The following TAF3 variants were observed in gnomAD, a reference collection of about 807,000 sequenced individuals.
TAF3 encodes TATA-box binding protein associated factor 3, also known as transcription initiation factor TFIID subunit 3.
TAF3 carries 7 observed loss-of-function variants against 80.6 expected under a neutral mutation model. The ratio of observed to expected loss-of-function variants is 0.09; its 90% CI spans 0.05 to 0.16. The LOEUF (loss-of-function observed/expected upper bound fraction) is 0.16, where lower values mean the gene tolerates loss of function less well. TAF3 is among the 10% of genes least tolerant of loss of function. The pLI is 1.00. For missense variants in TAF3, 921 were observed against 1,140.2 expected (o/e 0.81, Z 2.77); for synonymous variants, 444 against 446.1 (o/e 1.00, Z 0.06).
At chr10:7,864,975 TG>T (rs1244320573) in intron 2 of TAF3, among the ~76,000 whole-genome samples, 2 of 152,102 alleles carry the variant, frequency 1.3e-5, no homozygotes, top group African/African-American at 4.8e-5. Flanking sequence ...GGAGAATGAA[TG>T]TCAAAGGATC....
rs377104667 is a variant in TAF3, at chr10:7,964,495, C to G, written c.985C>G (p.His329Asp). The change falls in exon 3 of 7, where the codon CAC becomes GAC. Residue 329 changes from histidine (H) to aspartate (D), a missense_variant. Physicochemically the swap from His to Asp is moderately conservative, Grantham distance 81 (BLOSUM62 -1). Around this residue, in one of 6 missense-constraint regions of TAF3, gnomAD observed 743 missense variants for 821.0 expected, o/e 0.90. Transcript: ENST00000344293. The surrounding 1 kb of genome is among the most constrained non-coding windows in gnomAD (Gnocchi z 4.1). ...KSPKSPKVTT[H>D]IPQTPVRPET... ...TCCCAAGAGCCCCAAGGTCACGACT[C>G]ACATTCCCCAAACACCTGTGAGACC... 4.3e-6 allele frequency: 7 copies of G among 1,613,246 alleles called. No homozygotes were observed. The Admixed American group carries it at 1.2e-4, about 27-fold the overall frequency.
chr10:7,948,475 T>C (rs1838048541), intron 2 of TAF3, among the ~76,000 whole-genome samples: 1 of 152,220 alleles, frequency 6.6e-6, no homozygotes, highest in African/African-American at 2.4e-5. Flanking sequence ...ACTGTTCTGC[T>C]GCTCTCCCTG....
At chr10:7,895,366 T>C (rs1837495258) in intron 2 of TAF3, among the ~76,000 whole-genome samples, 1 of 152,230 alleles carries the variant, frequency 6.6e-6, no homozygotes, top group Admixed American at 6.5e-5. Context: ...TTTGTGACAA[T>C]TATTTCTCTT....
intron 2 of TAF3, among the ~76,000 whole-genome samples, chr10:7,838,474 C>T (rs891868641): frequency 2.6e-5 from 4 of 152,080 alleles, no homozygotes; most frequent in Admixed American, 6.5e-5. Flanking sequence ...CTCTGCCTCC[C>T]GGGTTTGAGC....
At chr10:7,957,991 A>C (rs1397320816) in intron 2 of TAF3, among the ~76,000 whole-genome samples, 1 of 152,194 alleles carries the variant, frequency 6.6e-6, no homozygotes, top group Non-Finnish European at 1.5e-5. Context: ...TTTATAATAC[A>C]CAGGCTTCCA....
intron 2 of TAF3, among the ~76,000 whole-genome samples, chr10:7,901,515 G>T (rs912063342): frequency 2.6e-5 from 4 of 152,122 alleles, no homozygotes; most frequent in African/African-American, 9.7e-5. Context: ...TTTGAAATTG[G>T]GCTTGAGTAG....
At chr10:8,007,565 TATATATA>T (rs1832007467) in intron 4 of TAF3, among the ~76,000 whole-genome samples, 6 of 2,608 alleles carry the variant, frequency 2.3e-3, no homozygotes, top group African/African-American at 3.6e-3. Flanking sequence ...TGTGAAATTA[TATATATA>T]TATATATATA....
intron 2 of TAF3, among the ~76,000 whole-genome samples, chr10:7,858,173 A>G (rs1303332131): frequency 6.6e-6 from 1 of 152,196 alleles, no homozygotes. Context: ...TAATCAAAAT[A>G]ACGATTGGCC....
chr10:7,841,731 G>C (rs985090706), intron 2 of TAF3, among the ~76,000 whole-genome samples: 1 of 152,206 alleles, frequency 6.6e-6, no homozygotes, highest in Non-Finnish European at 1.5e-5. Flanking sequence ...GTGCTACAGA[G>C]AGGAGCCTAG....
At chr10:7,835,803 A>T (rs1261273387) in intron 2 of TAF3, among the ~76,000 whole-genome samples, 1 of 152,070 alleles carries the variant, frequency 6.6e-6, no homozygotes, top group Non-Finnish European at 1.5e-5. Context: ...TAGATGCCTC[A>T]TACTCGGGTC....
intron 2 of TAF3, among the ~76,000 whole-genome samples, chr10:7,937,339 A>G (rs1837931073): frequency 6.6e-6 from 1 of 152,180 alleles, no homozygotes; most frequent in South Asian, 2.1e-4. Context: ...CATTCTTTCC[A>G]GGATTTGGTG....
intron 4 of TAF3, among the ~76,000 whole-genome samples, chr10:7,996,827 G>A (rs372119567): frequency 4.1e-5 from 6 of 147,448 alleles, no homozygotes; most frequent in South Asian, 2.1e-4. Flanking sequence ...CTACAGGCAC[G>A]CACCACCACA....
intron 2 of TAF3, among the ~76,000 whole-genome samples, chr10:7,947,193 C>T (rs1053156872): frequency 2.0e-5 from 3 of 152,290 alleles, no homozygotes; most frequent in Admixed American, 6.5e-5. Context: ...ATTGAAATGT[C>T]GGCAGCCCTA....
chr10:7,999,787 A>G (rs1831925865), intron 4 of TAF3, among the ~76,000 whole-genome samples: 1 of 152,152 alleles, frequency 6.6e-6, no homozygotes, highest in Non-Finnish European at 1.5e-5. Context: ...CGAAAATACC[A>G]TCATTGTAGG....
chr10:7,843,589 A>G (rs1169388917), intron 2 of TAF3, among the ~76,000 whole-genome samples: 2 of 151,990 alleles, frequency 1.3e-5, no homozygotes, highest in East Asian at 3.9e-4. Context: ...CCACAGGAAA[A>G]AAGTATAATA....
intron 2 of TAF3, among the ~76,000 whole-genome samples, chr10:7,846,725 A>G (rs1021608381): frequency 1.3e-5 from 2 of 152,236 alleles, no homozygotes; most frequent in Non-Finnish European, 2.9e-5. Context: ...ATGAGACTTC[A>G]GGGATCATAT....
chr10:7,872,347 C>G (rs1218512877), intron 2 of TAF3, among the ~76,000 whole-genome samples: 1 of 151,328 alleles, frequency 6.6e-6, no homozygotes, highest in Non-Finnish European at 1.5e-5. Flanking sequence ...AGCAATGGAG[C>G]CTTATTCTTT....
chr10:7,823,717 C>T (rs2131097748), intron 1 of TAF3, among the ~76,000 whole-genome samples: 1 of 151,722 alleles, frequency 6.6e-6, no homozygotes, highest in East Asian at 1.9e-4. Flanking sequence ...TCACTGCAAC[C>T]TCCGCCTCCT....
At chr10:7,835,476 C>T (rs1185502271) in intron 2 of TAF3, among the ~76,000 whole-genome samples, 3 of 152,224 alleles carry the variant, frequency 2.0e-5, no homozygotes, top group Admixed American at 6.5e-5. Flanking sequence ...TTACCTGGAT[C>T]TTCTCTTCCC....
Sources: allele counts gnomAD v4.1 joint callset (sites outside exome capture counted in the v4.1 genomes callset), GRCh38; gene constraint gnomAD v4.1.1; regional missense constraint gnomAD v4.1.1; non-coding constraint Gnocchi (gnomAD v3.1); transcripts MANE v1.5; gene names NCBI Gene and HGNC (gene_info 2026-07-23, HGNC 2026-07-21).